The following NYAP2 variants were observed in gnomAD, a reference collection of about 807,000 sequenced individuals.
The protein encoded by NYAP2 is neuronal tyrosine-phosphorylated phosphoinositide-3-kinase adaptor 2.
A neutral mutation model predicts 50.4 loss-of-function variants in NYAP2; 23 were observed. The ratio of observed to expected loss-of-function variants is 0.46; its 90% CI spans 0.33 to 0.65. NYAP2 has a LOEUF of 0.65. Ranked by LOEUF, NYAP2 falls within the 30% of genes least tolerant of loss-of-function variation. NYAP2 has a pLI of 0.02. For missense variants in NYAP2, 885 were observed against 861.0 expected (o/e 1.03, Z -0.35); for synonymous variants, 394 against 365.2 (o/e 1.08, Z -0.90).
At chr2:225,597,979 G>A (rs993462955) in intron 5 of NYAP2, among the ~76,000 whole-genome samples, 2 of 152,132 alleles carry the variant, frequency 1.3e-5, no homozygotes, top group Non-Finnish European at 2.9e-5. Flanking sequence ...TTTGGGTAAA[G>A]GATCTGACAT....
chr2:225,531,340 C>A (rs1691250887), intron 4 of NYAP2, among the ~76,000 whole-genome samples: 1 of 152,192 alleles, frequency 6.6e-6, no homozygotes, highest in Non-Finnish European at 1.5e-5. Context: ...TTCCACTCAT[C>A]CCTCAAGGAA....
chr2:225,566,461 A>G (rs1034271689), intron 4 of NYAP2, among the ~76,000 whole-genome samples: 6 of 152,228 alleles, frequency 3.9e-5, no homozygotes, highest in African/African-American at 1.4e-4. Flanking sequence ...CCCCAAGGAC[A>G]GGAGAAATGT....
chr2:225,600,167 G>A (rs1692670269), intron 5 of NYAP2, among the ~76,000 whole-genome samples: 1 of 152,136 alleles, frequency 6.6e-6, no homozygotes, highest in African/African-American at 2.4e-5. Context: ...CAACAGTGCT[G>A]ATTGGTTAGG....
At chr2:225,586,268 G>C (rs1692388434) in intron 5 of NYAP2, among the ~76,000 whole-genome samples, 1 of 152,124 alleles carries the variant, frequency 6.6e-6, no homozygotes, top group Non-Finnish European at 1.5e-5. Flanking sequence ...TTGGTCAATA[G>C]AGAAGAAATA....
At chr2:225,479,988 C>T (rs1690178921) in intron 3 of NYAP2, among the ~76,000 whole-genome samples, 1 of 152,010 alleles carries the variant, frequency 6.6e-6, no homozygotes, top group South Asian at 2.1e-4. Context: ...TTTTACTTGT[C>T]TACTGACGTC....
chr2:225,455,618 T>G (rs1333346157), intron 3 of NYAP2, among the ~76,000 whole-genome samples: 1 of 152,224 alleles, frequency 6.6e-6, no homozygotes, highest in East Asian at 1.9e-4. Flanking sequence ...AAAGTGAGAA[T>G]AAACATGGCA....
intron 3 of NYAP2, among the ~76,000 whole-genome samples, chr2:225,441,227 A>G (rs1362648187): frequency 6.6e-6 from 1 of 152,210 alleles, no homozygotes; most frequent in Non-Finnish European, 1.5e-5. Flanking sequence ...AATAGTCTAC[A>G]TTTCCAAAAC....
At chr2:225,521,124 G>T (rs1028005624) in intron 4 of NYAP2, among the ~76,000 whole-genome samples, 2 of 148,658 alleles carry the variant, frequency 1.3e-5, no homozygotes, top group Admixed American at 6.7e-5. Flanking sequence ...CATTGATTTT[G>T]TATCCTGAGA....
the NYAP2 span, among the ~76,000 whole-genome samples, chr2:225,675,365 T>C: frequency 6.6e-6 from 1 of 152,110 alleles, no homozygotes; most frequent in Non-Finnish European, 1.5e-5. Context: ...AGTCACTGTT[T>C]AGCTCCGACT....
chr2:225,604,299 G>A lies in NYAP2; in HGVS notation c.1618+21264G>A, dbSNP rs7598859. Among the ~76,000 whole-genome samples the A allele has an allele frequency of 3.4e-3, 525 of 152,174 alleles. 2 individuals carry two copies. The highest frequency in any genetic ancestry group is 8.7e-3 in the African/African-American group (362 of 41,524). On this transcript the variant is annotated intron_variant, in intron 5 of 6. Transcript: ENST00000636099. ...ATTCCCAAAAGAAGAAGTTTTGTAC[G>A]TTTCCTTTTTTGGCTTTAATGTGAA...
intron 6 of NYAP2, among the ~76,000 whole-genome samples, chr2:225,649,211 T>G (rs1416645651): frequency 6.6e-6 from 1 of 152,250 alleles, no homozygotes; most frequent in Non-Finnish European, 1.5e-5. Flanking sequence ...ATCTGTTTAC[T>G]TAGCACTAGC....
At chr2:225,560,702 T>A (rs1419163808) in intron 4 of NYAP2, among the ~76,000 whole-genome samples, 1 of 152,090 alleles carries the variant, frequency 6.6e-6, no homozygotes, top group African/African-American at 2.4e-5. Context: ...GAAGGATATT[T>A]GTGATGTGCT....
At chr2:225,567,925 G>C (rs1009910246) in intron 4 of NYAP2, among the ~76,000 whole-genome samples, 1 of 152,186 alleles carries the variant, frequency 6.6e-6, no homozygotes, top group Non-Finnish European at 1.5e-5. Context: ...ATATTTTGCA[G>C]TAATTCTTTA....
At chr2:225,627,239 A>ATATCTGT in intron 6 of NYAP2, 113 bp downstream of exon 6, 1 of 786,902 alleles carries the variant, frequency 1.3e-6, no homozygotes, top group Non-Finnish European at 2.1e-6. Flanking sequence ...GCACACAGAG[A>ATATCTGT]GGCACCACAA....
intron 6 of NYAP2, among the ~76,000 whole-genome samples, chr2:225,644,575 G>T (rs1176291964): frequency 4.0e-5 from 6 of 150,388 alleles, no homozygotes; most frequent in Admixed American, 4.0e-4. Flanking sequence ...ATGGTTTTAG[G>T]TCTAACGTTT....
At chr2:225,624,304 T>G (rs1693171575) in intron 5 of NYAP2, among the ~76,000 whole-genome samples, 2 of 152,188 alleles carry the variant, frequency 1.3e-5, no homozygotes, top group Non-Finnish European at 2.9e-5. Context: ...AAGTGTACCT[T>G]GATTGGGGAC....
At chr2:225,571,597 C>T (rs1692075302) in intron 4 of NYAP2, among the ~76,000 whole-genome samples, 1 of 152,210 alleles carries the variant, frequency 6.6e-6, no homozygotes, top group Admixed American at 6.5e-5. Context: ...GGAGCTGAAG[C>T]AGATGGGATG....
intron 3 of NYAP2, among the ~76,000 whole-genome samples, chr2:225,512,499 C>A (rs1253336798): frequency 1.3e-5 from 2 of 149,384 alleles, no homozygotes; most frequent in African/African-American, 4.9e-5. Context: ...CTTCCTCCTT[C>A]CCTCCCTGCC....
At chr2:225,666,011 G>A in the NYAP2 span, among the ~76,000 whole-genome samples, 1 of 151,808 alleles carries the variant, frequency 6.6e-6, no homozygotes, top group Admixed American at 6.6e-5. Context: ...ATGCTGTTAG[G>A]TGCACACTTT....
Sources: allele counts gnomAD v4.1 joint callset (sites outside exome capture counted in the v4.1 genomes callset), GRCh38; gene constraint gnomAD v4.1.1; transcripts MANE v1.5; gene names NCBI Gene and HGNC (gene_info 2026-07-23, HGNC 2026-07-21).